Variants in STAG3 observed in about 807,000 individuals in gnomAD.
STAG3 encodes STAG3 cohesin complex component.
STAG3 carries 101 observed loss-of-function variants against 160.7 expected under a neutral mutation model. The observed-to-expected ratio is 0.63, with a 90% confidence interval of 0.54 to 0.74. The LOEUF is 0.74. Among genes scored for constraint, STAG3 ranks in the 30% least tolerant of loss-of-function variants. The pLI, the probability that STAG3 is intolerant of heterozygous loss-of-function variation, is 0.00. For synonymous variants in STAG3, 519 were observed against 585.0 expected (o/e 0.89, Z 1.63); for missense variants, 1,188 against 1,517.4 (o/e 0.78, Z 3.61).
intron 13 of STAG3, 38 bp downstream of exon 13, chr7:100,198,620 C>A: frequency 1.3e-6 from 2 of 1,566,550 alleles, no homozygotes. Context: ...TAACACCACG[C>A]TCTCGGTTTC....
In STAG3 at chr7:100,198,080, T is replaced by G; in HGVS notation, c.1165-7T>G. 1 of 1,613,976 alleles carries G rather than the reference T, an allele frequency of 6.2e-7. No homozygotes were observed. Among genetic ancestry groups the G allele is most frequent in the Non-Finnish European group, 8.5e-7 (1 of 1,179,822 alleles). ...TGAGATATTGAGTGACTTTCTCCTT[T>G]CTGCAGGACCGGATGGTTTCCATGG... On this transcript the variant is annotated splice_polypyrimidine_tract_variant and splice_region_variant and intron_variant, in intron 11 of 33. Transcript: ENST00000615138.
chr7:100,200,005 G>A (rs1800981788), intron 16 of STAG3: 4 of 453,756 alleles, frequency 8.8e-6, no homozygotes, highest in Middle Eastern at 5.7e-4. Flanking sequence ...GGTGGAGCTT[G>A]CAGTGAGCCA....
At chr7:100,198,613 C>T in intron 13 of STAG3, 31 bp downstream of exon 13, 2 of 1,590,294 alleles carry the variant, frequency 1.3e-6, no homozygotes, top group Non-Finnish European at 8.6e-7. Context: ...GTTTCTTTAA[C>T]ACCACGCTCT....
intron 8 of STAG3, among the ~76,000 whole-genome samples, chr7:100,192,190 C>CCT (rs1465913375): frequency 6.6e-6 from 1 of 152,194 alleles, no homozygotes; most frequent in Non-Finnish European, 1.5e-5. Flanking sequence ...GATATTTTGA[C>CCT]CTCTTCCCAT....
At position 100,198,119 on chromosome 7, in the gene STAG3, G is replaced by A. The variant is rs766192338; in HGVS notation, c.1197G>A (p.Glu399=). The change falls in exon 12 of 34, where the codon GAG becomes GAA. Residue 399 remains glutamate (E), a synonymous_variant. Transcript: ENST00000615138. ...TGGTTTCCATGGTCATGGACAGAGAGTATGATGTGGCAGTGGAGGCTGTCA... is the reference window on the plus strand; with the variant it reads ...TGGTTTCCATGGTCATGGACAGAGAATATGATGTGGCAGTGGAGGCTGTCA... ...DRMVSMVMDR[E]YDVAVEAVRL... 2 of 1,613,846 alleles carry A rather than the reference G, an allele frequency of 1.2e-6. No homozygotes were observed. Among genetic ancestry groups the A allele is most frequent in the African/African-American group, 1.3e-5 (1 of 74,900 alleles).
At chr7:100,193,468 T>C (rs1283848106) in intron 8 of STAG3, among the ~76,000 whole-genome samples, 1 of 152,224 alleles carries the variant, frequency 6.6e-6, no homozygotes, top group East Asian at 1.9e-4. Context: ...TTAGTCCACA[T>C]TGAAAATTCA....
chr7:100,187,423 A>G (rs920841346), intron 5 of STAG3, among the ~76,000 whole-genome samples: 2 of 146,372 alleles, frequency 1.4e-5, no homozygotes, highest in African/African-American at 5.1e-5. Flanking sequence ...ATCCTGCCTC[A>G]GGTTTATTTG....
intron 5 of STAG3, among the ~76,000 whole-genome samples, chr7:100,187,294 A>G (rs1800071188): frequency 1.3e-5 from 2 of 149,552 alleles, no homozygotes; most frequent in Admixed American, 1.3e-4. Flanking sequence ...AAGTGTTGGT[A>G]TTACAGGCAT....
At position 100,201,149 on chromosome 7, in the gene STAG3, T is replaced by TG; in HGVS notation, c.2122dup (p.Ala708GlyfsTer7). 6.2e-7 allele frequency: 1 copy of TG among 1,614,270 alleles called. No homozygotes were observed. Among genetic ancestry groups the TG allele is most frequent in the Middle Eastern group, 1.6e-4 (1 of 6,062 alleles). On this transcript the variant is annotated frameshift_variant, in exon 20 of 34. Coordinates refer to ENST00000615138, the MANE Select transcript of STAG3 (RefSeq NM_001282717.2). LOFTEE classifies it high-confidence loss of function. ...TGGCAGCCACTCTGAAACGCCTCTC[T>TG]GCCTTCTACAAGTGAGTGGCTTTCC... is the stretch of plus-strand genomic sequence containing the variant.
At chr7:100,209,185 T>G (rs555074593) in intron 29 of STAG3, among the ~76,000 whole-genome samples, 1 of 152,340 alleles carries the variant, frequency 6.6e-6, no homozygotes, top group South Asian at 2.1e-4. Context: ...AGTTTCCTGC[T>G]CCTAGGTTAC....
In STAG3 at chr7:100,211,082, C is replaced by T. The variant is rs781521756; in HGVS notation, c.3310C>T (p.Pro1104Ser). Residue 1104 changes from proline (P) to serine (S), a missense_variant, in exon 30 of 34, where the codon CCC becomes TCC. This residue lies in a region of STAG3 where 647 missense variants were observed against 717.2 expected (regional missense o/e 0.90). Transcript: ENST00000615138. ...EESLQLNSIP[P>S]TPTLTSTAVK... ...AAGTCTGCAGCTGAACAGCATCCCG[C>T]CCACGCCCACCCTCACCTCCACAGC... is the stretch of plus-strand genomic sequence containing the variant. The T allele has an allele frequency of 1.2e-5, 19 of 1,613,568 alleles. No homozygotes were observed. The African/African-American group carries it at 2.3e-4, about 19-fold the overall frequency.
chr7:100,178,412 C>T (rs1039029968), intron 1 of STAG3, among the ~76,000 whole-genome samples: 2 of 152,094 alleles, frequency 1.3e-5, no homozygotes, highest in African/African-American at 2.4e-5. Flanking sequence ...CCTCTGGAAA[C>T]GAAAGCCTGG....
intron 1 of STAG3, among the ~76,000 whole-genome samples, chr7:100,180,212 C>G (rs2117039207): frequency 6.6e-6 from 1 of 152,212 alleles, no homozygotes; most frequent in East Asian, 1.9e-4. Context: ...CTCTACCACA[C>G]CTGACTAATG....
intron 2 of STAG3, among the ~76,000 whole-genome samples, 189 bp from the exon 3 acceptor site, chr7:100,181,901 C>CAAAA: frequency 1.4e-5 from 1 of 70,310 alleles, no homozygotes; most frequent in Non-Finnish European, 2.6e-5. Context: ...AACTCCGTCT[C>CAAAA]AAAAAAAAAA....
In STAG3 at chr7:100,207,185, G is replaced by A. The variant is rs980931457; in HGVS notation, c.3238+1801G>A. ...ATGCATAATGCTGCTAAACATGCAT[G>A]TACACATTTTTGGGTGGATGCATCT... On this transcript the variant is annotated intron_variant, in intron 29 of 33. Coordinates refer to ENST00000615138, the MANE Select transcript of STAG3 (RefSeq NM_001282717.2). The surrounding 1 kb of genome is among the most constrained non-coding windows in gnomAD (Gnocchi z 4.0). Among the ~76,000 whole-genome samples, 7 of 152,190 alleles carry A rather than the reference G, an allele frequency of 4.6e-5. No individual in the cohort carries two copies. The highest frequency in any genetic ancestry group is 1.5e-5 in the Non-Finnish European group (1 of 68,036).
At position 100,198,859 on chromosome 7, in the gene STAG3, T is replaced by A. The variant is rs764422687; in HGVS notation, c.1369T>A (p.Cys457Ser). The change falls in exon 14 of 34, where the codon TGC (cysteine) becomes AGC (serine). Residue 457 changes from cysteine to serine, a missense_variant. Cys to Ser is a moderately radical substitution (Grantham distance 112). Transcript: ENST00000615138. ...FLYWKLFYPE[C>S]EIRMMGGREQ... ...TTCCACCAGACTCTTCTACCCTGAG[T>A]GCGAGATAAGAATGATGGGTGGAAG... The A allele has an allele frequency of 6.2e-7, 1 of 1,612,092 alleles. No homozygotes were observed. The highest frequency in any genetic ancestry group is 8.5e-7 in the Non-Finnish European group (1 of 1,179,974).
At position 100,214,255 on chromosome 7, in the gene STAG3, TTGGAG is replaced by T. The variant is rs1802571130; in HGVS notation, c.*246_*250del. ...TCCCCTTGCCTTTTTCCTGTTCTGT[TTGGAG>T]TGGAGAAGGGCAGCACCTCTGTGTT... is the stretch of plus-strand genomic sequence containing the variant. On this transcript the variant is annotated 3_prime_UTR_variant, in exon 34 of 34. Coordinates refer to ENST00000615138, the MANE Select transcript of STAG3 (RefSeq NM_001282717.2). 1.7e-6 allele frequency: 1 copy of T among 572,808 alleles called. No homozygotes were observed. 35.5% of individuals were successfully genotyped at this position (572,808 alleles called of 1,614,324 possible).
In STAG3 at chr7:100,191,381, T is replaced by C. The variant is rs192139984; in HGVS notation, c.867+1785T>C. Among the ~76,000 whole-genome samples, 101 of 152,282 alleles carry C rather than the reference T, an allele frequency of 6.6e-4. 2 individuals carry two copies. The Middle Eastern group carries it at 0.041, about 62-fold the overall frequency. On this transcript the variant is annotated intron_variant, in intron 8 of 33. Transcript: ENST00000615138. ...TTTGTTTTCCAAATTGTTAGAAACA[T>C]ATACGGGCATCATACCTCAAAGATA...
chr7:100,197,989 T>C (rs918625784), intron 11 of STAG3, 98 bp from the exon 12 acceptor site: 3 of 1,512,664 alleles, frequency 2.0e-6, no homozygotes, highest in African/African-American at 2.7e-5. Flanking sequence ...AGCATCTGCC[T>C]CTACGTAGGC....
Sources: allele counts gnomAD v4.1 joint callset (sites outside exome capture counted in the v4.1 genomes callset), GRCh38; gene constraint gnomAD v4.1.1; regional missense constraint gnomAD v4.1.1; non-coding constraint Gnocchi (gnomAD v3.1); transcripts MANE v1.5; gene names NCBI Gene and HGNC (gene_info 2026-07-23, HGNC 2026-07-21).